ANXA10: variants seen among roughly 807,000 people sequenced by gnomAD.
ANXA10 encodes annexin A10.
ANXA10 carries 49 observed loss-of-function variants against 53.5 expected under a neutral mutation model. The observed-to-expected ratio is 0.92, with a 90% CI of 0.73 to 1.16. The LOEUF (loss-of-function observed/expected upper bound fraction) is 1.16. ANXA10 is among the 50% of genes most tolerant of loss of function. The probability of loss-of-function intolerance (pLI) is 0.00; values close to 1 mark genes in which losing one functional copy is unlikely to be tolerated. For missense variants in ANXA10, 393 were observed against 394.4 expected, an observed-to-expected ratio of 1.00 and a Z score of 0.03; for synonymous variants, 131 against 128.9, an observed-to-expected ratio of 1.02 and a Z score of -0.11.
chr4:168,106,389 G>A (rs1414574170), intron 1 of ANXA10, among the ~76,000 whole-genome samples: 1 of 152,024 alleles, frequency 6.6e-6, no homozygotes, highest in African/African-American at 2.4e-5. Context: ...ATTAAGCTAG[G>A]CATTTCTAAT....
intron 3 of ANXA10, among the ~76,000 whole-genome samples, chr4:168,144,812 C>A (rs763014722): frequency 4.5e-4 from 69 of 152,198 alleles, no homozygotes; most frequent in Non-Finnish European, 9.0e-4. Flanking sequence ...AATAGACCAA[C>A]TAGGACACCC....
chr4:168,156,865 C>A (rs1731694183), intron 3 of ANXA10, among the ~76,000 whole-genome samples: 1 of 152,032 alleles, frequency 6.6e-6, no homozygotes, highest in Non-Finnish European at 1.5e-5. Flanking sequence ...AAACACCTGG[C>A]CTCCAAACAG....
intron 1 of ANXA10, among the ~76,000 whole-genome samples, chr4:168,122,341 C>T (rs746664876): frequency 1.3e-5 from 2 of 152,136 alleles, no homozygotes; most frequent in Non-Finnish European, 2.9e-5. Context: ...AAATAGTTAC[C>T]TCTTCCTGGA....
At chr4:168,148,902 A>G (rs1204743356) in intron 3 of ANXA10, among the ~76,000 whole-genome samples, 9 of 152,170 alleles carry the variant, frequency 5.9e-5, no homozygotes. Context: ...AGATAGCTAT[A>G]GAATTCTGGG....
intron 1 of ANXA10, among the ~76,000 whole-genome samples, chr4:168,121,228 A>T (rs983188990): frequency 5.9e-5 from 9 of 152,090 alleles, no homozygotes; most frequent in African/African-American, 2.2e-4. Context: ...ACACACACAC[A>T]CACATTCTAA....
intron 2 of ANXA10, among the ~76,000 whole-genome samples, 182 bp from the exon 3 acceptor site, chr4:168,139,304 T>C (rs1731288510): frequency 6.6e-6 from 1 of 152,174 alleles, no homozygotes; most frequent in African/African-American, 2.4e-5. Flanking sequence ...AATTAGGAGA[T>C]AGGAAGGATC....
In ANXA10 at chr4:168,162,519, C is replaced by G; in HGVS notation, c.196-9C>G. The G allele has an allele frequency of 6.2e-7, 1 of 1,602,240 alleles. No homozygotes were observed. Among genetic ancestry groups the G allele is most frequent in the Non-Finnish European group, 8.5e-7 (1 of 1,170,356 alleles). ...CATATAATAAATATATGTACTTTTT[C>G]CTCCACAGGACCTGATTGGGGATAT... On this transcript the variant is annotated splice_polypyrimidine_tract_variant and intron_variant, in intron 3 of 11. Coordinates refer to ENST00000359299, the MANE Select transcript of ANXA10 (RefSeq NM_007193.5).
chr4:168,160,726 TTTC>T (rs1731768504), intron 3 of ANXA10, among the ~76,000 whole-genome samples: 1 of 152,142 alleles, frequency 6.6e-6, no homozygotes, highest in Admixed American at 6.5e-5. Flanking sequence ...ACATCTGTGG[TTTC>T]TTGACTTTTT....
chr4:168,127,672 T>A, intron 1 of ANXA10: 1 of 395,596 alleles, frequency 2.5e-6, no homozygotes, highest in South Asian at 1.9e-5. Context: ...GACCAACAGA[T>A]AAAATGAACT....
intron 5 of ANXA10, 65 bp downstream of exon 5, chr4:168,164,353 T>C: frequency 8.5e-7 from 1 of 1,176,114 alleles, no homozygotes; most frequent in South Asian, 1.4e-5. Flanking sequence ...CATTAAATAT[T>C]CCAGTTTATG....
Position 168,139,596 on chromosome 4 carries a change from C to T in ANXA10, c.195+16C>T. 6.3e-7 allele frequency: 1 copy of T among 1,595,162 alleles called. No homozygotes were observed. Among genetic ancestry groups the T allele is most frequent in the Non-Finnish European group, 8.6e-7 (1 of 1,164,704 alleles). ...GTATGGCCGGGTAAGGCCACTTTAT[C>T]TTGACCTATTTCTAGGGCAATCTCT... On this transcript the variant is annotated intron_variant, in intron 3 of 11. Coordinates refer to ENST00000359299, the MANE Select transcript of ANXA10 (RefSeq NM_007193.5).
intron 1 of ANXA10, among the ~76,000 whole-genome samples, chr4:168,124,384 G>A (rs1478012336): frequency 1.3e-4 from 20 of 152,210 alleles, no homozygotes; most frequent in Admixed American, 1.2e-3. Flanking sequence ...TGTGAGTCAC[G>A]GTGTAGGAAT....
chr4:168,146,303 T>A (rs1181505295), intron 3 of ANXA10, among the ~76,000 whole-genome samples: 1 of 152,166 alleles, frequency 6.6e-6, no homozygotes, highest in Non-Finnish European at 1.5e-5. Flanking sequence ...TGGGCCACAG[T>A]GATGTGGCGG....
At chr4:168,119,052 C>A (rs1446412584) in intron 1 of ANXA10, among the ~76,000 whole-genome samples, 1 of 152,114 alleles carries the variant, frequency 6.6e-6, no homozygotes, top group African/African-American at 2.4e-5. Flanking sequence ...TCATTATCTA[C>A]ATGATTTTTA....
intron 1 of ANXA10, among the ~76,000 whole-genome samples, chr4:168,111,045 A>G (rs1357471674): frequency 6.6e-6 from 1 of 152,220 alleles, no homozygotes; most frequent in Admixed American, 6.5e-5. Flanking sequence ...TGTTTGTGAA[A>G]TAGATGACTG....
chr4:168,101,953 A>G (rs962444160), intron 1 of ANXA10, among the ~76,000 whole-genome samples: 4 of 152,146 alleles, frequency 2.6e-5, no homozygotes, highest in Non-Finnish European at 5.9e-5. Context: ...TCTTTCTCAG[A>G]CAGTGAAAAC....
chr4:168,182,943 G>A (rs1732284921), intron 10 of ANXA10, among the ~76,000 whole-genome samples: 1 of 148,538 alleles, frequency 6.7e-6, no homozygotes, highest in Non-Finnish European at 1.5e-5. Context: ...CCTGGAGGCG[G>A]AGCTTGCGTG....
chr4:168,134,470 G>C (rs1036719679), intron 2 of ANXA10, among the ~76,000 whole-genome samples: 2 of 152,010 alleles, frequency 1.3e-5, no homozygotes, highest in Non-Finnish European at 2.9e-5. Context: ...AATCTCAACA[G>C]AACAAGAACA....
chr4:168,111,061 T>C (rs1325655396), intron 1 of ANXA10, among the ~76,000 whole-genome samples: 2 of 152,210 alleles, frequency 1.3e-5, no homozygotes, highest in African/African-American at 4.8e-5. Context: ...GACTGTGCTT[T>C]GTGAGTGCTG....
Sources: gnomAD v4.1 joint callset for allele counts (sites outside exome capture counted in the v4.1 genomes callset) on GRCh38, gnomAD v4.1.1 for gene constraint, MANE v1.5 for transcripts, NCBI Gene and HGNC (gene_info 2026-07-23, HGNC 2026-07-21) for gene names.